C2: variants seen among roughly 807,000 people sequenced by gnomAD.
C2 encodes C3/C5 convertase.
Under a neutral mutation model 85.2 loss-of-function variants are expected in C2, and 64 were observed. The observed-to-expected ratio is 0.75, with a 90% CI of 0.61 to 0.92. The LOEUF (loss-of-function observed/expected upper bound fraction) is 0.92, where lower values mean the gene tolerates loss of function less well. Among genes scored for constraint, C2 ranks in the 40% least tolerant of loss-of-function variants. The pLI, the probability that C2 is intolerant of heterozygous loss-of-function variation, is 0.00. For missense variants in C2, 820 were observed against 971.6 expected, an observed-to-expected ratio of 0.84 and a Z score of 2.07; for synonymous variants, 311 against 370.8, an observed-to-expected ratio of 0.84 and a Z score of 1.85.
chr6:31,912,935 T>C (rs1304107422), intron 1 of C2, among the ~76,000 whole-genome samples: 2 of 149,546 alleles, frequency 1.3e-5, no homozygotes, highest in Non-Finnish European at 3.0e-5. Context: ...GGCTCACGCC[T>C]GTAATCCCAG....
intron 9 of C2, among the ~76,000 whole-genome samples, chr6:31,939,614 A>G (rs1434592554): frequency 6.6e-6 from 1 of 151,384 alleles, no homozygotes; most frequent in East Asian, 1.9e-4. Context: ...CCAGAAAGTA[A>G]CGATGTCCAC....
chr6:31,917,767 G>A (rs551539509), upstream of C2, among the ~76,000 whole-genome samples: 8 of 152,104 alleles, frequency 5.3e-5, no homozygotes, highest in African/African-American at 1.7e-4. Flanking sequence ...TTAGCTGGGC[G>A]TGGTGTCAGC....
At chr6:31,930,005 C>T (rs1430598635) in intron 3 of C2, among the ~76,000 whole-genome samples, 40 of 146,934 alleles carry the variant, frequency 2.7e-4, no homozygotes, top group African/African-American at 9.5e-4. Flanking sequence ...GAGTGAGACT[C>T]TGTCTCAAAA....
chr6:31,907,972 G>A (rs1562550586), intron 1 of C2, among the ~76,000 whole-genome samples: 1 of 146,476 alleles, frequency 6.8e-6, no homozygotes, highest in Admixed American at 7.1e-5. Context: ...TCAGCCTCCT[G>A]AGTAGCTAGG....
intron 1 of C2, among the ~76,000 whole-genome samples, chr6:31,901,496 G>C (rs146986371): frequency 1.3e-5 from 2 of 152,014 alleles, no homozygotes; most frequent in African/African-American, 4.8e-5. Flanking sequence ...CTGAGAGGAG[G>C]GAGGCGTGGT....
chr6:31,934,113 A>G (rs1273104827), intron 5 of C2, 53 bp from the exon 6 acceptor site: 2 of 1,603,890 alleles, frequency 1.2e-6, no homozygotes, highest in African/African-American at 1.3e-5. Context: ...CTGCTTGGCG[A>G]GAGCGCAGGA....
At position 31,927,792 on chromosome 6, in the gene C2, T is replaced by A; in HGVS notation, c.40T>A (p.Tyr14Asn). ...GGTTCTTTTTTGCCTGCTGTTCCTGTACCCAGGTAGGAGGCAGGGAAGGGG... is the reference window on the plus strand; with the variant it reads ...GGTTCTTTTTTGCCTGCTGTTCCTGAACCCAGGTAGGAGGCAGGGAAGGGG... Reference protein sequence around the residue: ...LMVLFCLLFLYPGLADSAPSC... With the variant: ...LMVLFCLLFLNPGLADSAPSC... The change falls in exon 1 of 18, where the codon TAC (tyrosine) becomes AAC (asparagine). Residue 14 changes from tyrosine (Y) to asparagine (N), a missense_variant. By Grantham distance (143) the Tyr-to-Asn change is moderately radical. Coordinates refer to ENST00000299367, the MANE Select transcript of C2 (RefSeq NM_000063.6). The surrounding 1 kb of genome is among the most constrained non-coding windows in gnomAD (Gnocchi z 4.7). 6 of 1,613,784 alleles carry A rather than the reference T, an allele frequency of 3.7e-6. No individual in the cohort carries two copies. Among genetic ancestry groups the A allele is most frequent in the Non-Finnish European group, 5.1e-6 (6 of 1,179,892 alleles).
At chr6:31,912,475 C>T (rs1434600068) in intron 1 of C2, among the ~76,000 whole-genome samples, 1 of 152,136 alleles carries the variant, frequency 6.6e-6, no homozygotes, top group Non-Finnish European at 1.5e-5. Flanking sequence ...TTGACCTTTT[C>T]CTCTGTTGAT....
intron 3 of C2, among the ~76,000 whole-genome samples, chr6:31,932,113 A>G (rs28367416): frequency 0.015 from 873 of 56,822 alleles, 1 homozygote; most frequent in South Asian, 0.022. Flanking sequence ...TGGCCGGGCG[A>G]GGGGCTGACC....
At position 31,922,403 on chromosome 6, in the gene C2, A is replaced by G. The variant is rs1337303118; in HGVS notation, c.-100+2377A>G. On this transcript the variant is annotated intron_variant, in intron 1 of 3. Coordinates refer to the C2 transcript ENST00000413154. This position sits in a 1 kb window ranked among gnomAD's most constrained non-coding sequence, Gnocchi z 4.8. ...CCATGCCCAAGTGGCCAGACTGGATAAGGAGTAGACTGGCCACTAGAGTGG... is the reference window on the plus strand; with the variant it reads ...CCATGCCCAAGTGGCCAGACTGGATGAGGAGTAGACTGGCCACTAGAGTGG... 6.6e-6 allele frequency among the ~76,000 whole-genome samples: 1 copy of G among 152,178 alleles called. No individual in the cohort carries two copies. Among genetic ancestry groups the G allele is most frequent in the Non-Finnish European group, 1.5e-5 (1 of 68,016 alleles).
At chr6:31,910,220 G>T (rs888082993) in intron 1 of C2, among the ~76,000 whole-genome samples, 1 of 151,432 alleles carries the variant, frequency 6.6e-6, no homozygotes, top group Non-Finnish European at 1.5e-5. Flanking sequence ...ATATGAAGTT[G>T]TACTCATTAT....
In C2 at chr6:31,904,536, A is replaced by G. The variant is rs189464203; in HGVS notation, c.73+3397A>G. ...ACCATGTTGGCCAGGCTGGTCTCGA[A>G]CTCCTGACCTCGGGTGATCCACCTT... On this transcript the variant is annotated intron_variant, in intron 1 of 3. Transcript: ENST00000452202. This position sits in a 1 kb window ranked among gnomAD's most constrained non-coding sequence, Gnocchi z 4.4. Among the ~76,000 whole-genome samples the G allele has an allele frequency of 7.8e-4, 119 of 151,850 alleles. 3 individuals carry two copies. The highest frequency in any genetic ancestry group is 2.6e-3 in the African/African-American group (108 of 41,342).
chr6:31,898,643 CT>C (rs75322477), upstream of C2, among the ~76,000 whole-genome samples: 1,543 of 135,578 alleles, frequency 0.011, 24 homozygotes, highest in South Asian at 0.076. Flanking sequence ...CCAAACTTAG[CT>C]TTTTTTTTTT....
intron 2 of C2, among the ~76,000 whole-genome samples, 166 bp from the exon 3 acceptor site, chr6:31,928,566 T>A (rs916011326): frequency 6.6e-6 from 1 of 152,174 alleles, no homozygotes; most frequent in African/African-American, 2.4e-5. Context: ...CAATATTCAA[T>A]CAGTTGCCAA....
At chr6:31,930,825 G>A (rs1213349986) in intron 3 of C2, among the ~76,000 whole-genome samples, 1 of 152,170 alleles carries the variant, frequency 6.6e-6, no homozygotes, top group African/African-American at 2.4e-5. Context: ...ATTATTAGAC[G>A]TGACTCTAAC....
intron 9 of C2, among the ~76,000 whole-genome samples, chr6:31,942,052 G>A (rs940139531): frequency 6.6e-6 from 1 of 151,084 alleles, no homozygotes; most frequent in Admixed American, 6.6e-5. Context: ...TCCTGACCTC[G>A]TGATCTGCCC....
At chr6:31,924,937 T>C (rs1419978140), upstream of C2, among the ~76,000 whole-genome samples, 2 of 152,144 alleles carry the variant, frequency 1.3e-5, no homozygotes, top group South Asian at 2.1e-4. Context: ...CTTTGACCAA[T>C]AGAATGTGGC....
chr6:31,905,588 G>A (rs1767660774), intron 1 of C2, among the ~76,000 whole-genome samples: 1 of 146,018 alleles, frequency 6.8e-6, no homozygotes, highest in South Asian at 2.3e-4. Context: ...GCAACAAAGC[G>A]AGACACCTGT....
In C2 at chr6:31,944,679, C is replaced by G. The variant is rs539408662; in HGVS notation, c.1903-48C>G. 8.6e-5 allele frequency: 139 copies of G among 1,611,200 alleles called. No individual in the cohort carries two copies. The highest frequency in any genetic ancestry group is 1.2e-4 in the Non-Finnish European group (139 of 1,179,030). On this transcript the variant is annotated intron_variant, in intron 15 of 17. Transcript: ENST00000299367. The surrounding 1 kb of genome is among the most constrained non-coding windows in gnomAD (Gnocchi z 5.1). ...TACAGGCGTGAGCCACTGCACCCAC[C>G]CGGGTCTGCTTATTCTACCCTTCTC...
Sources: gnomAD v4.1 joint callset for allele counts (sites outside exome capture counted in the v4.1 genomes callset) on GRCh38, gnomAD v4.1.1 for gene constraint, Gnocchi (gnomAD v3.1) non-coding constraint, MANE v1.5 for transcripts, NCBI Gene and HGNC (gene_info 2026-07-23, HGNC 2026-07-21) for gene names.